PCSK5: variants seen among roughly 807,000 people sequenced by gnomAD.
PCSK5 encodes prohormone convertase 5.
A neutral mutation model predicts 233.2 loss-of-function variants in PCSK5; 129 were observed. The ratio of observed to expected loss-of-function variants is 0.55; its 90% CI spans 0.48 to 0.64. The LOEUF is 0.64. Among genes scored for constraint, PCSK5 ranks in the 30% least tolerant of loss-of-function variants. PCSK5 has a pLI of 0.00. For missense variants in PCSK5, 2,076 were observed against 2,430.1 expected, an observed-to-expected ratio of 0.85 and a Z score of 3.06; for synonymous variants, 825 against 879.2, an observed-to-expected ratio of 0.94 and a Z score of 1.09.
chr9:76,011,635 T>G (rs1827734462), intron 3 of PCSK5, among the ~76,000 whole-genome samples: 1 of 152,230 alleles, frequency 6.6e-6, no homozygotes, highest in Non-Finnish European at 1.5e-5. Context: ...TCACACATAC[T>G]ACAGTGTGGA....
chr9:76,321,511 AAGG>A lies in PCSK5; in HGVS notation c.3978_3980del (p.Gly1327del). ...AACGCCACCAACTGCCATTCTTGTG[AAGG>A]AGGCCACGTCCTGCACCACGGAGTG... On this transcript the variant is annotated inframe_deletion, in exon 31 of 38. Transcript: ENST00000674117. The A allele has an allele frequency of 6.2e-7, 1 of 1,612,238 alleles. No homozygotes were observed. Among genetic ancestry groups the A allele is most frequent in the Non-Finnish European group, 8.5e-7 (1 of 1,179,312 alleles).
At chr9:76,251,930 C>T (rs7856993) in intron 24 of PCSK5, among the ~76,000 whole-genome samples, 2,267 of 152,032 alleles carry the variant, frequency 0.015, 82 homozygotes, top group African/African-American at 0.051. Flanking sequence ...ATGTTCTTCC[C>T]TTCTGATTCT....
intron 7 of PCSK5, among the ~76,000 whole-genome samples, chr9:76,084,386 T>G (rs1242742874): frequency 6.6e-6 from 1 of 152,234 alleles, no homozygotes; most frequent in Non-Finnish European, 1.5e-5. Flanking sequence ...ATTATCATCT[T>G]GTTTTCAGTT....
chr9:76,225,432 A>G (rs1479938804), intron 20 of PCSK5, among the ~76,000 whole-genome samples: 2 of 152,034 alleles, frequency 1.3e-5, no homozygotes, highest in African/African-American at 4.8e-5. Flanking sequence ...CACTCAGCAT[A>G]TTTTTTTGAA....
At chr9:75,983,436 G>A (rs1253918033) in intron 2 of PCSK5, among the ~76,000 whole-genome samples, 1 of 152,132 alleles carries the variant, frequency 6.6e-6, no homozygotes, top group East Asian at 1.9e-4. Context: ...TATAAAGGAG[G>A]ACATCTTTAG....
intron 10 of PCSK5, among the ~76,000 whole-genome samples, chr9:76,142,563 C>G (rs1164418404): frequency 6.6e-6 from 1 of 152,072 alleles, no homozygotes; most frequent in African/African-American, 2.4e-5. Context: ...TTTAATGCCC[C>G]TCTTCATTCA....
At chr9:76,119,395 C>A (rs980028381) in intron 9 of PCSK5, among the ~76,000 whole-genome samples, 2 of 151,890 alleles carry the variant, frequency 1.3e-5, no homozygotes, top group Non-Finnish European at 2.9e-5. Flanking sequence ...TTTATGAAAT[C>A]TTCAATTATA....
intron 2 of PCSK5, among the ~76,000 whole-genome samples, chr9:75,946,365 G>C (rs1448360893): frequency 6.6e-6 from 1 of 152,172 alleles, no homozygotes; most frequent in African/African-American, 2.4e-5. Context: ...TACTAGCTCA[G>C]AGTGGCTATT....
intron 8 of PCSK5, among the ~76,000 whole-genome samples, chr9:76,100,642 T>C (rs1228734047): frequency 6.6e-6 from 1 of 152,250 alleles, no homozygotes; most frequent in Non-Finnish European, 1.5e-5. Flanking sequence ...TATGGGGCTA[T>C]GTGAAAGAAT....
chr9:76,154,482 A>G (rs1823801983), intron 10 of PCSK5, among the ~76,000 whole-genome samples: 2 of 152,176 alleles, frequency 1.3e-5, no homozygotes. Context: ...GAGTGCAAGC[A>G]TGGGCGCTCA....
chr9:76,116,222 A>G (rs1409705964), intron 9 of PCSK5, among the ~76,000 whole-genome samples: 1 of 152,116 alleles, frequency 6.6e-6, no homozygotes, highest in East Asian at 1.9e-4. Context: ...GAAAGCTCCA[A>G]GCAGCACATT....
chr9:76,291,145 C>T (rs115252707), intron 24 of PCSK5, among the ~76,000 whole-genome samples: 37 of 152,306 alleles, frequency 2.4e-4, no homozygotes, highest in African/African-American at 8.7e-4. Context: ...ACATTTAGTG[C>T]AATGCATTAG....
chr9:76,242,803 C>T (rs186502323), intron 24 of PCSK5, among the ~76,000 whole-genome samples: 11 of 152,232 alleles, frequency 7.2e-5, no homozygotes, highest in East Asian at 1.9e-4. Context: ...ATCTTGGAGG[C>T]GGGTTGTGTG....
At chr9:76,335,901 G>A (rs576822562) in intron 34 of PCSK5, among the ~76,000 whole-genome samples, 1 of 152,292 alleles carries the variant, frequency 6.6e-6, no homozygotes, top group East Asian at 1.9e-4. Flanking sequence ...AAGAAACTGA[G>A]GATCAGAGGG....
intron 21 of PCSK5, among the ~76,000 whole-genome samples, chr9:76,231,967 T>TGCCA (rs1772682037): frequency 6.6e-6 from 1 of 152,052 alleles, no homozygotes; most frequent in South Asian, 2.1e-4. Context: ...TCGGCTTGAA[T>TGCCA]CCCATTCTGC....
rs76537092 is a variant in PCSK5, at chr9:75,937,880, G to A, written c.297+5397G>A. The stretch of plus-strand genomic sequence containing the variant: ...TACTTTTCTTCTGCAGCTTCCTTAC[G>A]TCTCTCAGCCTTCTTAGAATTGGAG... On this transcript the variant is annotated intron_variant, in intron 2 of 37. Transcript: ENST00000674117. Among the ~76,000 whole-genome samples the A allele has an allele frequency of 1.5e-3, 223 of 152,160 alleles. 1 individual carries two copies. Among genetic ancestry groups the A allele is most frequent in the Non-Finnish European group, 2.6e-3 (177 of 68,000 alleles).
At chr9:76,269,412 C>T (rs1245286436) in intron 24 of PCSK5, among the ~76,000 whole-genome samples, 1 of 152,134 alleles carries the variant, frequency 6.6e-6, no homozygotes, top group Admixed American at 6.5e-5. Flanking sequence ...TTAAGAATTG[C>T]ACCGATCACT....
intron 20 of PCSK5, among the ~76,000 whole-genome samples, chr9:76,222,589 A>C (rs1051289832): frequency 1.3e-5 from 2 of 152,176 alleles, no homozygotes; most frequent in Non-Finnish European, 2.9e-5. Flanking sequence ...AAGTAAAATA[A>C]TACAATATTC....
chr9:76,065,798 T>G (rs1391870043), intron 5 of PCSK5, among the ~76,000 whole-genome samples: 1 of 152,176 alleles, frequency 6.6e-6, no homozygotes, highest in Non-Finnish European at 1.5e-5. Context: ...GGTCTTACAT[T>G]TTAATTTGAT....
Sources: allele counts gnomAD v4.1 joint callset (sites outside exome capture counted in the v4.1 genomes callset), GRCh38; gene constraint gnomAD v4.1.1; transcripts MANE v1.5; gene names NCBI Gene and HGNC (gene_info 2026-07-23, HGNC 2026-07-21).